TRPM3: variants seen among roughly 807,000 people sequenced by gnomAD.
TRPM3 encodes long transient receptor potential channel 3.
Under a neutral mutation model 181.2 loss-of-function variants are expected in TRPM3, and 77 were observed. The observed-to-expected ratio is 0.42, with a 90% CI of 0.35 to 0.51. The LOEUF is 0.51. Among genes scored for constraint, TRPM3 ranks in the 20% least tolerant of loss-of-function variants. The pLI is 0.01. For missense variants in TRPM3, 1,759 were observed against 2,196.7 expected (o/e 0.80, Z 3.98); for synonymous variants, 745 against 796.4 (o/e 0.94, Z 1.09).
In TRPM3 at chr9:71,329,371, T is replaced by C. The variant is rs1470676336; in HGVS notation, c.183+117282A>G. 2.0e-5 allele frequency among the ~76,000 whole-genome samples: 3 copies of C among 152,236 alleles called. No individual in the cohort carries two copies. In the East Asian group the frequency reaches 5.8e-4, roughly 29 times the overall value. Reference sequence around the variant, plus strand: ...ATTCGACAGTCTGAATTAAATACCATTTTAACTATCTGATGATTCTTCACT... The same window carrying C: ...ATTCGACAGTCTGAATTAAATACCACTTTAACTATCTGATGATTCTTCACT... On this transcript the variant is annotated intron_variant, in intron 1 of 24. Transcript: ENST00000357533.
chr9:71,139,767 T>C (rs940319357), intron 1 of TRPM3, among the ~76,000 whole-genome samples: 1 of 152,164 alleles, frequency 6.6e-6, no homozygotes, highest in Non-Finnish European at 1.5e-5. Context: ...GGACACGTAC[T>C]CTTAGTTGGC....
intron 1 of TRPM3, among the ~76,000 whole-genome samples, chr9:71,331,667 G>C (rs903212361): frequency 6.8e-5 from 9 of 132,652 alleles, no homozygotes; most frequent in South Asian, 2.6e-4. Flanking sequence ...GAGGGAAGAG[G>C]AGGAGGAGGA....
chr9:70,943,983 C>G (rs746691237), intron 1 of TRPM3, among the ~76,000 whole-genome samples: 10 of 152,088 alleles, frequency 6.6e-5, no homozygotes, highest in Non-Finnish European at 1.3e-4. Flanking sequence ...TTTCACCATA[C>G]TGGTAAGGCT....
At chr9:71,326,461 T>A (rs536489327) in intron 1 of TRPM3, among the ~76,000 whole-genome samples, 7 of 152,332 alleles carry the variant, frequency 4.6e-5, no homozygotes, top group African/African-American at 1.4e-4. Flanking sequence ...GGAAGGCAAA[T>A]AATTGTATTA....
At chr9:70,570,064 A>G (rs941055859) in intron 22 of TRPM3, among the ~76,000 whole-genome samples, 5 of 152,098 alleles carry the variant, frequency 3.3e-5, no homozygotes, top group African/African-American at 4.8e-5. Flanking sequence ...GCACGTGTAC[A>G]TAAGTCTGAA....
intron 1 of TRPM3, among the ~76,000 whole-genome samples, chr9:71,264,331 C>A (rs2083248937): frequency 6.6e-6 from 1 of 152,136 alleles, no homozygotes; most frequent in African/African-American, 2.4e-5. Context: ...CGCACCTCCC[C>A]TCCCATCTGT....
chr9:71,063,058 A>G (rs1591096836), intron 1 of TRPM3, among the ~76,000 whole-genome samples: 1 of 152,312 alleles, frequency 6.6e-6, no homozygotes, highest in East Asian at 1.9e-4. Flanking sequence ...GACATGGAAG[A>G]CAAACCTTGC....
intron 1 of TRPM3, among the ~76,000 whole-genome samples, chr9:70,974,634 C>T (rs1018562385): frequency 2.0e-5 from 3 of 151,690 alleles, no homozygotes; most frequent in African/African-American, 7.3e-5. Flanking sequence ...GAGGATGAGG[C>T]GGGAGAATCG....
intron 1 of TRPM3, among the ~76,000 whole-genome samples, chr9:71,146,924 A>G (rs533272955): frequency 6.6e-6 from 1 of 152,210 alleles, no homozygotes; most frequent in Admixed American, 6.5e-5. Context: ...GGAAAAGGCA[A>G]CAGCCATTTG....
At chr9:70,565,232 T>C (rs1251933286) in intron 22 of TRPM3, among the ~76,000 whole-genome samples, 1 of 152,370 alleles carries the variant, frequency 6.6e-6, no homozygotes. Context: ...CAGAGCAACA[T>C]TGACACGTCA....
intron 1 of TRPM3, among the ~76,000 whole-genome samples, chr9:70,982,743 C>A (rs1260361529): frequency 6.6e-6 from 1 of 152,194 alleles, no homozygotes; most frequent in Non-Finnish European, 1.5e-5. Context: ...CTCTGTCACC[C>A]AGGCTGGAGT....
intron 5 of TRPM3, among the ~76,000 whole-genome samples, chr9:70,832,216 G>A (rs928018521): frequency 2.0e-5 from 3 of 149,380 alleles, no homozygotes; most frequent in Non-Finnish European, 4.4e-5. Flanking sequence ...TGGGTGCAGC[G>A]CACCAGCATG....
chr9:71,316,999 A>T (rs979088404), intron 1 of TRPM3, among the ~76,000 whole-genome samples: 1 of 152,178 alleles, frequency 6.6e-6, no homozygotes, highest in Non-Finnish European at 1.5e-5. Context: ...TTTTTGAGGC[A>T]TGAAAGAGTT....
intron 8 of TRPM3, among the ~76,000 whole-genome samples, chr9:70,694,143 C>T (rs1192243497): frequency 6.6e-6 from 1 of 152,196 alleles, no homozygotes; most frequent in Non-Finnish European, 1.5e-5. Context: ...CCATTTCAGC[C>T]TGTGTCACTG....
At chr9:70,759,596 G>A (rs4335193) in intron 8 of TRPM3, among the ~76,000 whole-genome samples, 148,201 of 152,326 alleles carry the variant, frequency 0.97, 72,234 homozygotes, top group East Asian at 1. Context: ...ATGCCCATCA[G>A]TGATAGACTG....
At chr9:71,092,518 T>G (rs1317532213) in intron 1 of TRPM3, among the ~76,000 whole-genome samples, 1 of 152,176 alleles carries the variant, frequency 6.6e-6, no homozygotes, top group Non-Finnish European at 1.5e-5. Context: ...AATTGTAAAA[T>G]TAACTCAATT....
In TRPM3 at chr9:71,229,345, A is replaced by G. The variant is rs529899467; in HGVS notation, c.183+217308T>C. ...AATAGGTGAAGAGCATAAATCAAAGACCTCAAACTACGAAACCACTCAAAG... is the reference window on the plus strand; with the variant it reads ...AATAGGTGAAGAGCATAAATCAAAGGCCTCAAACTACGAAACCACTCAAAG... On this transcript the variant is annotated intron_variant, in intron 1 of 24. Coordinates refer to the TRPM3 transcript ENST00000357533. Among the ~76,000 whole-genome samples, 4 of 152,274 alleles carry G rather than the reference A, an allele frequency of 2.6e-5. No homozygotes were observed. In the East Asian group the frequency reaches 5.8e-4, roughly 22 times the overall value.
intron 1 of TRPM3, among the ~76,000 whole-genome samples, chr9:71,190,315 G>GTACAAA (rs1336167573): frequency 6.6e-6 from 1 of 151,832 alleles, no homozygotes; most frequent in East Asian, 1.9e-4. Flanking sequence ...TAAAGAACTT[G>GTACAAA]TACAAATACC....
At chr9:70,677,376 A>G (rs1315443201) in intron 9 of TRPM3, among the ~76,000 whole-genome samples, 1 of 152,222 alleles carries the variant, frequency 6.6e-6, no homozygotes, top group Non-Finnish European at 1.5e-5. Context: ...GGGTAGCCCC[A>G]CTCTGCAGGA....
Sources: gnomAD v4.1 joint callset for allele counts (sites outside exome capture counted in the v4.1 genomes callset) on GRCh38, gnomAD v4.1.1 for gene constraint, MANE v1.5 for transcripts, NCBI Gene and HGNC (gene_info 2026-07-23, HGNC 2026-07-21) for gene names.